Variants in SNTG1 observed in about 807,000 individuals in gnomAD.
SNTG1 encodes gamma-1-syntrophin.
In SNTG1, 39 loss-of-function variants were observed where a neutral mutation model predicts 74.7. That is an observed-to-expected ratio of 0.52 (90% CI 0.40 to 0.68). The LOEUF (loss-of-function observed/expected upper bound fraction) is 0.68, where lower values mean the gene tolerates loss of function less well. SNTG1 is among the 30% of genes least tolerant of loss of function. The pLI, the probability that SNTG1 is intolerant of heterozygous loss-of-function variation, is 0.00. For missense variants in SNTG1, 685 were observed against 609.5 expected (o/e 1.12, Z -1.30); for synonymous variants, 254 against 217.1 (o/e 1.17, Z -1.49).
chr8:50,364,553 G>T (rs183693829), intron 2 of SNTG1, among the ~76,000 whole-genome samples: 18 of 151,994 alleles, frequency 1.2e-4, no homozygotes, highest in African/African-American at 4.3e-4. Flanking sequence ...ATTCTATATC[G>T]TATATCTTAA....
intron 2 of SNTG1, among the ~76,000 whole-genome samples, chr8:50,373,882 G>C (rs2092322275): frequency 6.6e-6 from 1 of 151,954 alleles, no homozygotes; most frequent in African/African-American, 2.4e-5. Context: ...TTTGTCCAAG[G>C]CTCCCACCAA....
At chr8:49,918,804 C>A (rs1431166802) in intron 1 of SNTG1, among the ~76,000 whole-genome samples, 3 of 152,024 alleles carry the variant, frequency 2.0e-5, no homozygotes, top group Admixed American at 6.6e-5. Flanking sequence ...AAAAAAGGAG[C>A]TTATTTTGCC....
intron 2 of SNTG1, among the ~76,000 whole-genome samples, chr8:50,354,481 G>C (rs541447715): frequency 1.3e-5 from 2 of 152,024 alleles, no homozygotes; most frequent in South Asian, 4.2e-4. Context: ...ATTGAATCTT[G>C]CGTGTAGTAG....
At chr8:50,660,398 A>T (rs1457065352) in intron 15 of SNTG1, among the ~76,000 whole-genome samples, 4 of 34,422 alleles carry the variant, frequency 1.2e-4, no homozygotes, top group African/African-American at 3.7e-4. Context: ...AGGAAGAAAA[A>T]GAGAAAGAAA....
chr8:50,438,498 T>C (rs757907692), intron 4 of SNTG1, 45 bp from the exon 5 acceptor site: 1 of 1,544,130 alleles, frequency 6.5e-7, no homozygotes, highest in Non-Finnish European at 8.9e-7. Flanking sequence ...TGTGTAAGTA[T>C]AGTATTAGGA....
chr8:50,782,033 C>T (rs1038568067), intron 18 of SNTG1, among the ~76,000 whole-genome samples: 2 of 152,152 alleles, frequency 1.3e-5, no homozygotes, highest in African/African-American at 2.4e-5. Flanking sequence ...AATATTGGCC[C>T]CCACTGTCTT....
intron 12 of SNTG1, among the ~76,000 whole-genome samples, chr8:50,584,358 T>A (rs1429100427): frequency 6.6e-6 from 1 of 151,732 alleles, no homozygotes; most frequent in African/African-American, 2.4e-5. Context: ...TCCACAATGG[T>A]TGAACTAGTT....
intron 1 of SNTG1, among the ~76,000 whole-genome samples, chr8:50,038,800 T>C (rs1304211632): frequency 1.3e-5 from 2 of 152,210 alleles, no homozygotes; most frequent in Non-Finnish European, 2.9e-5. Flanking sequence ...TGCTCTCTTA[T>C]AATAGTGAAT....
At chr8:50,648,792 T>C (rs2095126547) in intron 13 of SNTG1, among the ~76,000 whole-genome samples, 1 of 152,152 alleles carries the variant, frequency 6.6e-6, no homozygotes, top group Admixed American at 6.5e-5. Flanking sequence ...AGAGAGTCTA[T>C]TGTTAGCCAT....
At chr8:50,470,473 T>C (rs778750444) in intron 8 of SNTG1, among the ~76,000 whole-genome samples, 2 of 152,130 alleles carry the variant, frequency 1.3e-5, no homozygotes, top group South Asian at 4.1e-4. Context: ...TTCTGGTGGG[T>C]TCATGGTCTT....
At chr8:50,188,393 G>A (rs574838149) in intron 2 of SNTG1, among the ~76,000 whole-genome samples, 8 of 152,198 alleles carry the variant, frequency 5.3e-5, no homozygotes, top group African/African-American at 1.4e-4. Flanking sequence ...TTTCCTTTGC[G>A]ATTGTCTTCA....
At chr8:50,145,667 G>C (rs1047343817) in intron 1 of SNTG1, among the ~76,000 whole-genome samples, 4 of 152,070 alleles carry the variant, frequency 2.6e-5, no homozygotes, top group Non-Finnish European at 5.9e-5. Flanking sequence ...AACACAAACT[G>C]AAATATTTTT....
intron 1 of SNTG1, among the ~76,000 whole-genome samples, chr8:50,008,642 A>G (rs1237517601): frequency 6.6e-6 from 1 of 152,144 alleles, no homozygotes; most frequent in African/African-American, 2.4e-5. Flanking sequence ...ATAAGAAACA[A>G]AGAAAAATTC....
At chr8:50,236,148 A>C (rs2085882953) in intron 2 of SNTG1, among the ~76,000 whole-genome samples, 1 of 152,288 alleles carries the variant, frequency 6.6e-6, no homozygotes, top group East Asian at 1.9e-4. Context: ...CACATTACAC[A>C]AATTTCCTTT....
chr8:50,191,088 A>G (rs573006173), intron 2 of SNTG1, among the ~76,000 whole-genome samples: 5 of 152,242 alleles, frequency 3.3e-5, no homozygotes, highest in Non-Finnish European at 2.9e-5. Flanking sequence ...CAGTCTTGCC[A>G]TATATCATAC....
chr8:50,638,068 G>A (rs1322403564), intron 13 of SNTG1, among the ~76,000 whole-genome samples: 1 of 152,042 alleles, frequency 6.6e-6, no homozygotes, highest in Admixed American at 6.6e-5. Flanking sequence ...TACCTTATGT[G>A]GAAAAAGGAA....
At position 50,792,952 on chromosome 8, in the gene SNTG1, G is replaced by A. The variant is rs868837357; in HGVS notation, c.*123G>A. 5.3e-5 allele frequency: 60 copies of A among 1,141,340 alleles called. No individual in the cohort carries two copies. Among genetic ancestry groups the A allele is most frequent in the African/African-American group, 6.3e-5 (4 of 63,470 alleles). 70.7% of individuals were successfully genotyped at this position (1,141,340 alleles called of 1,614,324 possible). A position where few individuals can be genotyped will look rare whatever the true frequency, so the allele number is the denominator to read the frequency against. On this transcript the variant is annotated 3_prime_UTR_variant, in exon 19 of 19. Coordinates refer to ENST00000642720, the MANE Select transcript of SNTG1 (RefSeq NM_018967.5). Reference sequence around the variant, plus strand: ...GACAGTGGAGGCAAATCAAAATTTCGGCAGAAAAAGAAGGTCATGTGGAAC... The same window carrying A: ...GACAGTGGAGGCAAATCAAAATTTCAGCAGAAAAAGAAGGTCATGTGGAAC...
At chr8:50,258,596 A>G (rs1309053401) in intron 2 of SNTG1, among the ~76,000 whole-genome samples, 1 of 152,212 alleles carries the variant, frequency 6.6e-6, no homozygotes, top group Non-Finnish European at 1.5e-5. Flanking sequence ...ATTTTATAAA[A>G]GAACTAAGTG....
At chr8:50,049,962 G>A (rs753491136) in intron 1 of SNTG1, among the ~76,000 whole-genome samples, 19 of 151,820 alleles carry the variant, frequency 1.3e-4, no homozygotes, top group Non-Finnish European at 2.4e-4. Context: ...CAAAAGCAAT[G>A]TTTAGAGGAA....
Sources: allele counts gnomAD v4.1 joint callset (sites outside exome capture counted in the v4.1 genomes callset), GRCh38; gene constraint gnomAD v4.1.1; transcripts MANE v1.5; gene names NCBI Gene and HGNC (gene_info 2026-07-23, HGNC 2026-07-21).